ASH1L: variants seen among roughly 807,000 people sequenced by gnomAD.
The protein encoded by ASH1L is ASH1 like histone lysine methyltransferase, also known as histone-lysine N-methyltransferase ASH1L.
In ASH1L, 23 loss-of-function variants were observed where a neutral mutation model predicts 269.0. The observed-to-expected ratio is 0.09, with a 90% CI of 0.06 to 0.12. The LOEUF is 0.12. ASH1L is among the 10% of genes least tolerant of loss of function. The pLI is 1.00. For missense variants in ASH1L, 2,912 were observed against 3,567.8 expected, an observed-to-expected ratio of 0.82 and a Z score of 4.68; for synonymous variants, 1,187 against 1,253.5, an observed-to-expected ratio of 0.95 and a Z score of 1.12.
In ASH1L at chr1:155,343,208, T is replaced by A; in HGVS notation, c.8293+106A>T. ...GTTGGCCAGGCTGGTCTCACACTCCTGGGCTTAAGCAATCTGCCTGCCTCG... is the reference window on the plus strand; with the variant it reads ...GTTGGCCAGGCTGGTCTCACACTCCAGGGCTTAAGCAATCTGCCTGCCTCG... On this transcript the variant is annotated intron_variant, in intron 24 of 27. Transcript: ENST00000392403. This position sits in a 1 kb window ranked among gnomAD's most constrained non-coding sequence, Gnocchi z 6.1. 2 of 1,315,992 alleles carry A rather than the reference T, an allele frequency of 1.5e-6. No individual in the cohort carries two copies. Among genetic ancestry groups the A allele is most frequent in the Non-Finnish European group, 2.1e-6 (2 of 952,582 alleles). The allele number at this position is 1,315,992 out of a possible 1,614,324, so 81.5% of individuals were successfully genotyped here. A position where few individuals can be genotyped will look rare whatever the true frequency, so the allele number is the denominator to read the frequency against.
chr1:155,443,626 C>T (rs150494465), intron 4 of ASH1L, among the ~76,000 whole-genome samples: 1 of 152,096 alleles, frequency 6.6e-6, no homozygotes, highest in Non-Finnish European at 1.5e-5. Flanking sequence ...AGAGAAGAAA[C>T]AACTGATCTG....
chr1:155,389,014 C>CT (rs1355485059), intron 7 of ASH1L, among the ~76,000 whole-genome samples: 46 of 141,608 alleles, frequency 3.2e-4, no homozygotes, highest in African/African-American at 9.8e-4. Context: ...TGGACTAATT[C>CT]TTTTTTTTTG....
chr1:155,342,149 C>A, intron 24 of ASH1L, 47 bp from the exon 25 acceptor site: 1 of 1,590,142 alleles, frequency 6.3e-7, no homozygotes, highest in Non-Finnish European at 8.6e-7. Context: ...CCATTTCTCC[C>A]CCTGAGCTGC....
Position 155,387,705 on chromosome 1 carries a change from T to C in ASH1L, c.6104-7589A>G, listed in dbSNP as rs547354833. Among the ~76,000 whole-genome samples the C allele has an allele frequency of 2.2e-4, 33 of 152,320 alleles. No individual in the cohort carries two copies. The East Asian group carries it at 3.9e-3, about 18-fold the overall frequency. ...CAATGGTAGTTTAATGGGAATAGCA[T>C]TGAATCTATAAATTGCTTTGGGCAA... On this transcript the variant is annotated intron_variant, in intron 7 of 27. Transcript: ENST00000392403.
chr1:155,346,317 C>T (rs1488269748), intron 21 of ASH1L, 66 bp downstream of exon 21: 3 of 1,558,238 alleles, frequency 1.9e-6, no homozygotes, highest in African/African-American at 1.4e-5. Flanking sequence ...AGGAGCAGGA[C>T]AGGTGAGATA....
intron 13 of ASH1L, among the ~76,000 whole-genome samples, chr1:155,359,543 G>A (rs1315819734): frequency 1.3e-5 from 2 of 152,212 alleles, no homozygotes; most frequent in South Asian, 2.1e-4. Flanking sequence ...CCAAAGTGCC[G>A]GGATTACAGG....
chr1:155,342,565 T>C (rs1652909003), intron 24 of ASH1L, among the ~76,000 whole-genome samples: 1 of 152,262 alleles, frequency 6.6e-6, no homozygotes. Context: ...TATTTTGCTA[T>C]GATTCTGAGA....
At chr1:155,509,607 T>C (rs1668034480) in intron 2 of ASH1L, among the ~76,000 whole-genome samples, 1 of 152,150 alleles carries the variant, frequency 6.6e-6, no homozygotes, top group Non-Finnish European at 1.5e-5. Context: ...GAGACCAGCC[T>C]GACCAACGTG....
upstream of ASH1L, chr1:155,563,146 C>T (rs1012636046): frequency 6.6e-6 from 3 of 457,136 alleles, no homozygotes; most frequent in African/African-American, 6.0e-5. Context: ...TCGCGGCGAG[C>T]GGATCGAGGA....
At chr1:155,535,776 C>T (rs1415955096) in intron 1 of ASH1L, among the ~76,000 whole-genome samples, 1 of 152,016 alleles carries the variant, frequency 6.6e-6, no homozygotes, top group Non-Finnish European at 1.5e-5. Flanking sequence ...GGCAGATCAC[C>T]CGAGGTTGGG....
At chr1:155,482,826 T>G (rs1288027477) in intron 2 of ASH1L, among the ~76,000 whole-genome samples, 1 of 152,196 alleles carries the variant, frequency 6.6e-6, no homozygotes, top group Non-Finnish European at 1.5e-5. Flanking sequence ...TTATTTTTAG[T>G]TACAGTATCC....
At chr1:155,357,118 C>CACACACAA in intron 15 of ASH1L, among the ~76,000 whole-genome samples, 198 bp downstream of exon 15, 1 of 65,380 alleles carries the variant, frequency 1.5e-5, no homozygotes, top group Admixed American at 2.5e-4. Context: ...CACACACACA[C>CACACACAA]AAAAGGGTAA....
chr1:155,517,078 T>C (rs1201999566), intron 2 of ASH1L, among the ~76,000 whole-genome samples: 1 of 152,162 alleles, frequency 6.6e-6, no homozygotes, highest in Non-Finnish European at 1.5e-5. Context: ...AACATTATTG[T>C]TTAAAGAAAC....
rs566392661 is a variant in ASH1L, at chr1:155,500,533, C to T, written c.421-18084G>A. Among the ~76,000 whole-genome samples the T allele has an allele frequency of 2.0e-5, 3 of 152,022 alleles. No individual in the cohort carries two copies. The East Asian group carries it at 5.8e-4, about 29-fold the overall frequency. The stretch of plus-strand genomic sequence containing the variant: ...AAACGCAGCAGTCAAATAATGTAGA[C>T]ATGCATTCTGGACCTCTTCATAAAT... On this transcript the variant is annotated intron_variant, in intron 2 of 27. Coordinates refer to ENST00000392403, the MANE Select transcript of ASH1L (RefSeq NM_018489.3).
At chr1:155,474,691 C>A (rs1665394659) in intron 3 of ASH1L, among the ~76,000 whole-genome samples, 1 of 151,986 alleles carries the variant, frequency 6.6e-6, no homozygotes, top group South Asian at 2.1e-4. Flanking sequence ...AGAGTGAGAG[C>A]CTGTCTCAAA....
chr1:155,472,704 C>G (rs1665196696), intron 3 of ASH1L, among the ~76,000 whole-genome samples: 1 of 152,176 alleles, frequency 6.6e-6, no homozygotes, highest in South Asian at 2.1e-4. Flanking sequence ...CCCAGCCATC[C>G]CTATTATCCA....
At chr1:155,493,084 T>A (rs1040000851) in intron 2 of ASH1L, among the ~76,000 whole-genome samples, 16 of 152,198 alleles carry the variant, frequency 1.1e-4, no homozygotes, top group African/African-American at 3.9e-4. Context: ...CCCAAAGTGT[T>A]GGAATTACAA....
chr1:155,380,636 C>CT (rs1246850320), intron 7 of ASH1L, among the ~76,000 whole-genome samples: 1,596 of 144,242 alleles, frequency 0.011, 31 homozygotes, highest in African/African-American at 0.037. Flanking sequence ...GAATGAAATT[C>CT]TTTTTTTTTT....
intron 10 of ASH1L, among the ~76,000 whole-genome samples, chr1:155,375,791 T>C (rs1267725042): frequency 7.6e-6 from 1 of 131,450 alleles, no homozygotes; most frequent in Non-Finnish European, 1.6e-5. Flanking sequence ...AGAATGAAAC[T>C]TCGTCTCAAA....
Sources: gnomAD v4.1 joint callset for allele counts (sites outside exome capture counted in the v4.1 genomes callset) on GRCh38, gnomAD v4.1.1 for gene constraint, Gnocchi (gnomAD v3.1) non-coding constraint, MANE v1.5 for transcripts, NCBI Gene and HGNC (gene_info 2026-07-23, HGNC 2026-07-21) for gene names.